Variants in CECR2 observed in about 807,000 individuals in gnomAD.
CECR2 encodes chromatin remodeling regulator CECR2.
A neutral mutation model predicts 154.5 loss-of-function variants in CECR2; 30 were observed. That is an observed-to-expected ratio of 0.19 (90% CI 0.15 to 0.26). The LOEUF is 0.26. Among genes scored for constraint, CECR2 ranks in the 10% least tolerant of loss-of-function variants. The probability of loss-of-function intolerance (pLI) is 1.00; values close to 1 mark genes in which losing one functional copy is unlikely to be tolerated. For synonymous variants in CECR2, 725 were observed against 683.7 expected, an observed-to-expected ratio of 1.06 and a Z score of -0.94; for missense variants, 1,743 against 1,829.3, an observed-to-expected ratio of 0.95 and a Z score of 0.86.
chr22:17,504,046 CTAAATAAA>C lies in CECR2; in HGVS notation c.701-776_701-769del, dbSNP rs150862438. Among the ~76,000 whole-genome samples, 544 of 136,600 alleles carry C rather than the reference CTAAATAAA, an allele frequency of 4.0e-3. 12 individuals are homozygous for C. The South Asian group carries it at 0.058, about 15-fold the overall frequency. 89.6% of individuals were successfully genotyped at this position (136,600 alleles called of 152,430 possible). On this transcript the variant is annotated intron_variant, in intron 6 of 18. Coordinates refer to ENST00000262608, the MANE Select transcript of CECR2 (RefSeq NM_001290047.2). ...TGGACAACAGAGCAGGACTCTGCCTCTAAATAAATAAATAAATAAATAAATAAATAAAA... is the reference window on the plus strand; with the variant it reads ...TGGACAACAGAGCAGGACTCTGCCTCTAAATAAATAAATAAATAAATAAAA...
At chr22:17,460,773 C>G (rs2054925758) in intron 1 of CECR2, among the ~76,000 whole-genome samples, 1 of 152,212 alleles carries the variant, frequency 6.6e-6, no homozygotes, top group African/African-American at 2.4e-5. Context: ...CAGCTGCAGC[C>G]TATCTTTTCA....
At chr22:17,365,520 C>A (rs151168042), upstream of CECR2, among the ~76,000 whole-genome samples, 241 of 151,824 alleles carry the variant, frequency 1.6e-3, no homozygotes, top group African/African-American at 5.5e-3. Flanking sequence ...CGGTGAAACC[C>A]CGTCTCTACT....
chr22:17,466,287 ATTGAG>A lies in CECR2; in HGVS notation c.127-11300_127-11296del, dbSNP rs377052633. Among the ~76,000 whole-genome samples, 861 of 152,272 alleles carry A rather than the reference ATTGAG, an allele frequency of 5.7e-3. 9 individuals are homozygous for A. Among genetic ancestry groups the A allele is most frequent in the African/African-American group, 0.02 (816 of 41,550 alleles). ...CTGTAAAAATCCATAACCTGTATTG[ATTGAG>A]GTTGGTTTCAGGCTATTTATTGTCG... On this transcript the variant is annotated intron_variant, in intron 1 of 18. Coordinates refer to ENST00000262608, the MANE Select transcript of CECR2 (RefSeq NM_001290047.2).
In CECR2 at chr22:17,549,077, G is replaced by A; in HGVS notation, c.3790G>A (p.Ala1264Thr). Residue 1264 changes from alanine to threonine, a missense_variant, in exon 17 of 19, where the codon GCA becomes ACA. By Grantham distance (58) the Ala-to-Thr change is moderately conservative. Transcript: ENST00000262608. Reference sequence around the variant, plus strand: ...CTTAACTTCTCCAACCCGTATGGATGCAGTGGCTGCTAAAGTCCCAAATGA... The same window carrying A: ...CTTAACTTCTCCAACCCGTATGGATACAGTGGCTGCTAAAGTCCCAAATGA... ...AALTSPTRMD[A>T]VAAKVPNDGQ... The A allele has an allele frequency of 1.2e-6, 2 of 1,614,036 alleles. No homozygotes were observed. The highest frequency in any genetic ancestry group is 1.7e-6 in the Non-Finnish European group (2 of 1,179,896).
At chr22:17,502,281 A>G (rs2055752985) in intron 5 of CECR2, among the ~76,000 whole-genome samples, 1 of 152,188 alleles carries the variant, frequency 6.6e-6, no homozygotes, top group African/African-American at 2.4e-5. Context: ...TTCGGAGCCC[A>G]TGCTCTTAAC....
Position 17,438,633 on chromosome 22 carries a change from C to T in CECR2, c.127-38955C>T, listed in dbSNP as rs543974226. 7.4e-5 allele frequency among the ~76,000 whole-genome samples: 11 copies of T among 148,226 alleles called. No homozygotes were observed. The East Asian group carries it at 1.6e-3, about 21-fold the overall frequency. ...AACATTATGAGATTTTTTTTTTTTGCAATTTTTTTTAAAGCTCATCAGGTA... is the reference window on the plus strand; with the variant it reads ...AACATTATGAGATTTTTTTTTTTTGTAATTTTTTTTAAAGCTCATCAGGTA... On this transcript the variant is annotated intron_variant, in intron 1 of 18. Transcript: ENST00000262608.
chr22:17,442,239 TG>T, intron 1 of CECR2, among the ~76,000 whole-genome samples: 2 of 152,242 alleles, frequency 1.3e-5, no homozygotes, highest in East Asian at 3.9e-4. Context: ...TTGGAGCTCA[TG>T]GGAATCCATG....
At chr22:17,395,830 TA>T (rs1288254829) in intron 1 of CECR2, among the ~76,000 whole-genome samples, 1 of 152,242 alleles carries the variant, frequency 6.6e-6, no homozygotes, top group East Asian at 1.9e-4. Flanking sequence ...AAAAGGGTAA[TA>T]AGTTGTTTAT....
At chr22:17,511,445 T>C (rs997702028) in intron 7 of CECR2, among the ~76,000 whole-genome samples, 8 of 152,042 alleles carry the variant, frequency 5.3e-5, no homozygotes, top group Non-Finnish European at 1.2e-4. Flanking sequence ...CTGCTCCTGA[T>C]GCCCCCTCCC....
chr22:17,411,151 A>C (rs867080877), intron 1 of CECR2, among the ~76,000 whole-genome samples: 1 of 152,200 alleles, frequency 6.6e-6, no homozygotes, highest in African/African-American at 2.4e-5. Flanking sequence ...AGTACTTTGC[A>C]TGGCCTTTAG....
At chr22:17,403,123 GT>G (rs773801719) in intron 1 of CECR2, among the ~76,000 whole-genome samples, 18 of 152,164 alleles carry the variant, frequency 1.2e-4, no homozygotes, top group Admixed American at 2.0e-4. Flanking sequence ...CCTTAAGTCT[GT>G]TGTCATCAGC....
At chr22:17,461,878 C>T (rs1024220910) in intron 1 of CECR2, among the ~76,000 whole-genome samples, 2 of 151,640 alleles carry the variant, frequency 1.3e-5, no homozygotes, top group African/African-American at 2.4e-5. Flanking sequence ...CTGCAACCTC[C>T]GTCTCCAGGG....
At position 17,542,741 on chromosome 22, in the gene CECR2, T is replaced by C. The variant is rs2056548316; in HGVS notation, c.2598T>C (p.Pro866=). The change falls in exon 16 of 19, where the codon CCT becomes CCC. Residue 866 remains proline (P), a synonymous_variant. Coordinates refer to ENST00000262608, the MANE Select transcript of CECR2 (RefSeq NM_001290047.2). ...CACCCAGTTCTTTGTTTGGAGCACC[T>C]GCCCAGGCTCTTCGGGGGGTGCAGG... ...VPAPSSLFGA[P]AQALRGVQGG... The C allele has an allele frequency of 1.9e-6, 3 of 1,614,016 alleles. No individual in the cohort carries two copies. In the Admixed American group the frequency reaches 5.0e-5, roughly 27 times the overall value.
At chr22:17,497,711 T>A (rs1187092944) in intron 3 of CECR2, 125 bp downstream of exon 3, 1 of 848,174 alleles carries the variant, frequency 1.2e-6, no homozygotes, top group Non-Finnish European at 1.9e-6. Flanking sequence ...TTGGTACTAT[T>A]CATTGCCAAT....
upstream of CECR2, among the ~76,000 whole-genome samples, chr22:17,367,863 A>AT (rs2063010791): frequency 6.6e-6 from 1 of 152,174 alleles, no homozygotes; most frequent in Non-Finnish European, 1.5e-5. Context: ...ACCAACACAC[A>AT]CAAACGTAGG....
intron 1 of CECR2, among the ~76,000 whole-genome samples, chr22:17,410,597 G>A (rs529590728): frequency 7.3e-5 from 11 of 151,722 alleles, no homozygotes; most frequent in African/African-American, 2.2e-4. Context: ...ACAGGCGCAC[G>A]CCACCACACC....
At chr22:17,536,788 C>T (rs1157196505) in intron 9 of CECR2, among the ~76,000 whole-genome samples, 1 of 152,034 alleles carries the variant, frequency 6.6e-6, no homozygotes, top group East Asian at 1.9e-4. Context: ...CCTTTTTCTT[C>T]GACTGCCATT....
At chr22:17,551,965 G>A in intron 17 of CECR2, 66 bp from the exon 18 acceptor site, 1 of 1,473,260 alleles carries the variant, frequency 6.8e-7, no homozygotes. Context: ...TGACTACAGT[G>A]TCTTGTTTCT....
rs2147029158 is a variant in CECR2, at chr22:17,542,042, G to A, written c.2013+75G>A. The A allele has an allele frequency of 4.4e-6, 7 of 1,575,012 alleles. No homozygotes were observed. In the South Asian group the frequency reaches 4.7e-5, roughly 11 times the overall value. ...TTTCAGAGAAAAAGTCTCTTTCCAG[G>A]TTAAATGTTGTTCATTGCGTCCTTT... On this transcript the variant is annotated intron_variant, in intron 15 of 18. Transcript: ENST00000262608.
Sources: allele counts gnomAD v4.1 joint callset (sites outside exome capture counted in the v4.1 genomes callset), GRCh38; gene constraint gnomAD v4.1.1; transcripts MANE v1.5; gene names NCBI Gene and HGNC (gene_info 2026-07-23, HGNC 2026-07-21).